Variants in CNST observed in about 807,000 individuals in gnomAD.
CNST encodes consortin, connexin sorting protein.
Under a neutral mutation model 72.4 loss-of-function variants are expected in CNST, and 39 were observed. The observed-to-expected ratio is 0.54, with a 90% confidence interval of 0.42 to 0.70. The LOEUF (loss-of-function observed/expected upper bound fraction) is 0.70. CNST is among the 30% of genes least tolerant of loss of function. The pLI is 0.00. For synonymous variants in CNST, 332 were observed against 320.1 expected (o/e 1.04, Z -0.40); for missense variants, 871 against 868.5 (o/e 1.00, Z -0.04).
At chr1:246,587,527 G>C (rs1381343313) in intron 1 of CNST, among the ~76,000 whole-genome samples, 1 of 152,150 alleles carries the variant, frequency 6.6e-6, no homozygotes, top group African/African-American at 2.4e-5. Context: ...AGATTCTGTT[G>C]GTTGTGGCTT....
At chr1:246,622,694 G>C (rs577297094) in intron 3 of CNST, among the ~76,000 whole-genome samples, 102 of 152,286 alleles carry the variant, frequency 6.7e-4, no homozygotes, top group African/African-American at 2.2e-3. Flanking sequence ...GTAGATGTTA[G>C]AGGATGGAGA....
intron 1 of CNST, among the ~76,000 whole-genome samples, chr1:246,582,595 C>A (rs1195879044): frequency 6.6e-6 from 1 of 152,158 alleles, no homozygotes. Flanking sequence ...GATGGTCTTT[C>A]ACAACAGATA....
intron 2 of CNST, among the ~76,000 whole-genome samples, chr1:246,600,484 C>G (rs1256138430): frequency 2.0e-5 from 3 of 152,086 alleles, no homozygotes; most frequent in Non-Finnish European, 2.9e-5. Context: ...TGCTGGTGAT[C>G]TGTAATGAGA....
In CNST at chr1:246,632,206, A is replaced by T. The variant is rs1172944558; in HGVS notation, c.616+282A>T. 5 of 283,876 alleles carry T rather than the reference A, an allele frequency of 1.8e-5. 1 individual carries two copies. The East Asian group carries it at 3.6e-4, about 21-fold the overall frequency. The allele number at this position is 283,876 out of a possible 1,614,324, so 17.6% of individuals were successfully genotyped here. A position where few individuals can be genotyped will look rare whatever the true frequency, so the allele number is the denominator to read the frequency against. ...ATTTATTTTTTGAAGGAAAATTTGT[A>T]TTATTTTAATTATTTTTATGTACAG... On this transcript the variant is annotated intron_variant, in intron 4 of 10. Transcript: ENST00000366513.
At chr1:246,637,376 G>A (rs1025355974) in intron 6 of CNST, among the ~76,000 whole-genome samples, 2 of 152,192 alleles carry the variant, frequency 1.3e-5, no homozygotes, top group Non-Finnish European at 2.9e-5. Flanking sequence ...AGGAGGTGTC[G>A]GCAGGGAGAG....
chr1:246,656,297 T>A (rs958466082), intron 9 of CNST, among the ~76,000 whole-genome samples: 6 of 152,238 alleles, frequency 3.9e-5, no homozygotes, highest in Non-Finnish European at 8.8e-5. Flanking sequence ...GAGTTGCGAA[T>A]AATTTTGTTT....
intron 6 of CNST, among the ~76,000 whole-genome samples, chr1:246,639,762 C>T (rs1665557679): frequency 6.6e-6 from 1 of 152,206 alleles, no homozygotes. Flanking sequence ...CAACCAACAG[C>T]ACAAAGCGGT....
intron 1 of CNST, among the ~76,000 whole-genome samples, chr1:246,590,294 C>T (rs1661464882): frequency 6.6e-6 from 1 of 152,160 alleles, no homozygotes; most frequent in Admixed American, 6.5e-5. Context: ...AGGGCTTCCT[C>T]ATACGATGTC....
chr1:246,612,898 A>G (rs907082346), intron 2 of CNST, among the ~76,000 whole-genome samples: 6 of 152,120 alleles, frequency 3.9e-5, no homozygotes, highest in East Asian at 3.9e-4. Context: ...AAATATATAT[A>G]TAACACTCCA....
At chr1:246,570,695 GT>G (rs1023801578) in intron 1 of CNST, among the ~76,000 whole-genome samples, 39 of 152,088 alleles carry the variant, frequency 2.6e-4, no homozygotes, top group African/African-American at 8.7e-4. Context: ...AAATAATAAT[GT>G]TTTTTGTTTG....
At chr1:246,619,166 A>AC (rs1553377997) in intron 2 of CNST, among the ~76,000 whole-genome samples, 2 of 151,396 alleles carry the variant, frequency 1.3e-5, no homozygotes, top group African/African-American at 4.9e-5. Context: ...AAAAAAAAAA[A>AC]CACTAATTCT....
In CNST at chr1:246,605,817, C is replaced by T. The variant is rs1389564221; in HGVS notation, c.379+13876C>T. 10 of 122,040 alleles carry T rather than the reference C, an allele frequency of 8.2e-5. 1 individual carries two copies. The highest frequency in any genetic ancestry group is 2.7e-4 in the African/African-American group (9 of 33,608). The allele number at this position is 122,040 out of a possible 1,614,324, so 7.6% of individuals were successfully genotyped here. ...GTCTTCCGGCCGGGGTGCGTGTCTT[C>T]CAGCCGGGGTAGGTGTCTTCCGGCC... On this transcript the variant is annotated intron_variant, in intron 2 of 10. Coordinates refer to ENST00000366513, the MANE Select transcript of CNST (RefSeq NM_152609.3).
At chr1:246,651,674 T>G (rs769691099) in intron 9 of CNST, among the ~76,000 whole-genome samples, 25 of 152,232 alleles carry the variant, frequency 1.6e-4, no homozygotes, top group Non-Finnish European at 2.9e-4. Flanking sequence ...GAAAGCTTTT[T>G]CAAACCCAGT....
chr1:246,570,098 T>C (rs1030692310), intron 1 of CNST: 2 of 162,532 alleles, frequency 1.2e-5, no homozygotes, highest in African/African-American at 4.8e-5. Flanking sequence ...GTAGGTTTTA[T>C]GGCTGTAGAA....
intron 2 of CNST, chr1:246,605,761 CCGGGGT>C (rs1662718434): frequency 8.6e-6 from 1 of 115,664 alleles, no homozygotes; most frequent in Non-Finnish European, 1.9e-5. Flanking sequence ...TGTCTTCCGG[CCGGGGT>C]AGGTGTCTTC....
intron 2 of CNST, among the ~76,000 whole-genome samples, chr1:246,604,391 T>G (rs1179488543): frequency 6.6e-6 from 1 of 152,234 alleles, no homozygotes; most frequent in Non-Finnish European, 1.5e-5. Flanking sequence ...TAAACTATAA[T>G]AAAATGCCAT....
chr1:246,613,793 G>A (rs964431900), intron 2 of CNST, among the ~76,000 whole-genome samples: 50 of 143,998 alleles, frequency 3.5e-4, no homozygotes, highest in African/African-American at 8.1e-4. Context: ...TCCCAGGTTC[G>A]AGTGATTCTC....
chr1:246,590,069 T>C (rs1661448068), intron 1 of CNST, among the ~76,000 whole-genome samples: 2 of 152,176 alleles, frequency 1.3e-5, no homozygotes, highest in Non-Finnish European at 2.9e-5. Context: ...GTAGTTTTAA[T>C]GAACTCCTCA....
chr1:246,649,604 G>A (rs1272397420), intron 9 of CNST, among the ~76,000 whole-genome samples: 1 of 151,424 alleles, frequency 6.6e-6, no homozygotes, highest in African/African-American at 2.5e-5. Context: ...ACCTTTTTAG[G>A]TATAAACTGT....
Sources: allele counts gnomAD v4.1 joint callset (sites outside exome capture counted in the v4.1 genomes callset), GRCh38; gene constraint gnomAD v4.1.1; transcripts MANE v1.5; gene names NCBI Gene and HGNC (gene_info 2026-07-23, HGNC 2026-07-21).